Variants in FAM135B observed in about 807,000 individuals in gnomAD.
The protein encoded by FAM135B is family with sequence similarity 135 member B.
Under a neutral mutation model 127.7 loss-of-function variants are expected in FAM135B, and 43 were observed. The observed-to-expected ratio is 0.34, with a 90% CI of 0.26 to 0.43. FAM135B has a LOEUF of 0.43. Ranked by LOEUF, FAM135B falls within the 20% of genes least tolerant of loss-of-function variation. The probability of loss-of-function intolerance (pLI) is 1.00; values close to 1 mark genes in which losing one functional copy is unlikely to be tolerated. For missense variants in FAM135B, 1,558 were observed against 1,725.6 expected (o/e 0.90, Z 1.72); for synonymous variants, 670 against 665.1 (o/e 1.01, Z -0.11).
chr8:138,485,476 A>C (rs1814949256), intron 1 of FAM135B, among the ~76,000 whole-genome samples: 1 of 152,216 alleles, frequency 6.6e-6, no homozygotes, highest in Admixed American at 6.5e-5. Flanking sequence ...CAGAATAAAC[A>C]TTGATTAATC....
At chr8:138,292,108 T>G (rs1825157187) in intron 3 of FAM135B, among the ~76,000 whole-genome samples, 1 of 152,116 alleles carries the variant, frequency 6.6e-6, no homozygotes, top group Non-Finnish European at 1.5e-5. Context: ...AAATCAGTTG[T>G]GTTTCTGTAT....
intron 10 of FAM135B, 133 bp downstream of exon 10, chr8:138,178,402 C>A (rs914652409): frequency 4.0e-6 from 4 of 991,130 alleles, no homozygotes; most frequent in African/African-American, 1.6e-5. Context: ...CGCCACCCTG[C>A]ACGGTCATGG....
chr8:138,175,553 C>G (rs778237005), intron 11 of FAM135B, among the ~76,000 whole-genome samples: 3 of 152,226 alleles, frequency 2.0e-5, no homozygotes, highest in Admixed American at 6.5e-5. Context: ...GCTAACTGTG[C>G]ACATCTCTTC....
At chr8:138,346,685 G>A (rs1011980981) in intron 2 of FAM135B, among the ~76,000 whole-genome samples, 3 of 152,110 alleles carry the variant, frequency 2.0e-5, no homozygotes, top group African/African-American at 7.2e-5. Flanking sequence ...GTGGTGACGG[G>A]GAGAATATCA....
intron 3 of FAM135B, among the ~76,000 whole-genome samples, chr8:138,272,165 C>A (rs1263439568): frequency 6.6e-6 from 1 of 152,040 alleles, no homozygotes; most frequent in Non-Finnish European, 1.5e-5. Flanking sequence ...CCAACTTTTT[C>A]TCTCCTCACT....
At chr8:138,457,417 A>C (rs1014112086) in intron 1 of FAM135B, among the ~76,000 whole-genome samples, 7 of 152,194 alleles carry the variant, frequency 4.6e-5, no homozygotes, top group South Asian at 2.1e-4. Context: ...ATATCACCCC[A>C]GATGGTTGCT....
chr8:138,320,196 G>A (rs1034773695), intron 2 of FAM135B, among the ~76,000 whole-genome samples: 3 of 152,200 alleles, frequency 2.0e-5, no homozygotes, highest in African/African-American at 7.2e-5. Flanking sequence ...ATATATTATA[G>A]CAGTAATTGT....
intron 1 of FAM135B, chr8:138,441,578 T>A (rs780263716): frequency 3.3e-5 from 5 of 152,234 alleles, no homozygotes; most frequent in Non-Finnish European, 5.9e-5. Context: ...CAATGCTTTC[T>A]CCAGTTAGTA....
At chr8:138,419,456 G>A (rs1834360456) in intron 1 of FAM135B, among the ~76,000 whole-genome samples, 1 of 152,046 alleles carries the variant, frequency 6.6e-6, no homozygotes, top group Non-Finnish European at 1.5e-5. Context: ...CATCAAGGCA[G>A]GAAACTAACA....
intron 1 of FAM135B, chr8:138,450,568 C>T (rs1304655867): frequency 6.6e-6 from 1 of 152,092 alleles, no homozygotes; most frequent in Non-Finnish European, 1.5e-5. Flanking sequence ...TATCTCATTG[C>T]TGTTTTCATT....
At chr8:138,265,676 G>A (rs2130627439) in intron 4 of FAM135B, 27 bp downstream of exon 4, 2 of 1,612,936 alleles carry the variant, frequency 1.2e-6, no homozygotes, top group African/African-American at 2.7e-5. Context: ...ACAGCTACTT[G>A]TGGCTGGTGG....
chr8:138,275,408 G>C (rs1823741804), intron 3 of FAM135B, among the ~76,000 whole-genome samples: 1 of 152,168 alleles, frequency 6.6e-6, no homozygotes, highest in Admixed American at 6.5e-5. Context: ...ATGTTGGCCA[G>C]GCACGATGAC....
chr8:138,289,086 C>T (rs560323687), intron 3 of FAM135B, among the ~76,000 whole-genome samples: 46 of 152,304 alleles, frequency 3.0e-4, no homozygotes, highest in South Asian at 1.0e-3. Context: ...ACTGTTAGCC[C>T]GGTTTTCCTC....
At chr8:138,298,820 C>G (rs78670082) in intron 3 of FAM135B, among the ~76,000 whole-genome samples, 5,597 of 152,074 alleles carry the variant, frequency 0.037, 226 homozygotes, top group East Asian at 0.25. Flanking sequence ...ACAGGGGTAT[C>G]AGGACCTCTG....
chr8:138,133,267 AAAG>A, intron 19 of FAM135B, among the ~76,000 whole-genome samples: 1 of 152,220 alleles, frequency 6.6e-6, no homozygotes. Flanking sequence ...CTCTGATTCC[AAAG>A]AAGGAGAATG....
intron 2 of FAM135B, among the ~76,000 whole-genome samples, chr8:138,334,373 GT>G (rs2131012324): frequency 6.6e-6 from 1 of 152,204 alleles, no homozygotes; most frequent in East Asian, 1.9e-4. Flanking sequence ...CACTTGTTTT[GT>G]TTCTTTGTTT....
chr8:138,192,345 A>T (rs538865262), intron 9 of FAM135B, among the ~76,000 whole-genome samples: 1 of 152,356 alleles, frequency 6.6e-6, no homozygotes, highest in East Asian at 1.9e-4. Context: ...TGAAACAAAG[A>T]TAGCAGCGCT....
In FAM135B at chr8:138,243,984, T is replaced by C. The variant is rs911724763; in HGVS notation, c.543-916A>G. 6.6e-6 allele frequency among the ~76,000 whole-genome samples: 1 copy of C among 152,216 alleles called. No individual in the cohort carries two copies. Among genetic ancestry groups the C allele is most frequent in the Non-Finnish European group, 1.5e-5 (1 of 68,036 alleles). On this transcript the variant is annotated intron_variant, in intron 6 of 19. Coordinates refer to ENST00000395297, the MANE Select transcript of FAM135B (RefSeq NM_015912.4). The surrounding 1 kb of genome is among the most constrained non-coding windows in gnomAD (Gnocchi z 7.5). ...CAATAAATAGCCCCAGGTGACATCA[T>C]CTTCATCATCTTCACTATGGGTGCT... is the stretch of plus-strand genomic sequence containing the variant.
chr8:138,361,533 GAGA>G (rs1334341029), intron 2 of FAM135B, among the ~76,000 whole-genome samples: 18 of 152,190 alleles, frequency 1.2e-4, no homozygotes, highest in African/African-American at 4.1e-4. Flanking sequence ...CACATTGACA[GAGA>G]AGAAGGCAAA....
Sources: allele counts gnomAD v4.1 joint callset (sites outside exome capture counted in the v4.1 genomes callset), GRCh38; gene constraint gnomAD v4.1.1; non-coding constraint Gnocchi (gnomAD v3.1); transcripts MANE v1.5; gene names NCBI Gene and HGNC (gene_info 2026-07-23, HGNC 2026-07-21).